Variants in SLC45A4 observed in about 807,000 individuals in gnomAD.
SLC45A4 encodes the protein polyamine-transporter SLC45A4.
SLC45A4 carries 32 observed loss-of-function variants against 63.7 expected under a neutral mutation model. The observed-to-expected ratio is 0.50, with a 90% confidence interval of 0.38 to 0.67. The LOEUF (loss-of-function observed/expected upper bound fraction) is 0.67, where lower values mean the gene tolerates loss of function less well. Ranked by LOEUF, SLC45A4 falls within the 30% of genes least tolerant of loss-of-function variation. SLC45A4 has a pLI of 0.00. For synonymous variants in SLC45A4, 535 were observed against 510.0 expected, an observed-to-expected ratio of 1.05 and a Z score of -0.66; for missense variants, 1,027 against 1,157.7, an observed-to-expected ratio of 0.89 and a Z score of 1.64.
intron 1 of SLC45A4, among the ~76,000 whole-genome samples, chr8:141,294,983 G>C (rs1340005069): frequency 6.6e-6 from 1 of 152,244 alleles, no homozygotes; most frequent in African/African-American, 2.4e-5. Context: ...CGGCAGAGTG[G>C]GGGCAGCAGG....
At chr8:141,251,465 C>A (rs1421957435) in intron 2 of SLC45A4, among the ~76,000 whole-genome samples, 1 of 151,968 alleles carries the variant, frequency 6.6e-6, no homozygotes, top group Non-Finnish European at 1.5e-5. Flanking sequence ...CAGAGCTAAG[C>A]CCCCTGGCCC....
In SLC45A4 at chr8:141,211,166, G is replaced by A. The variant is rs993647604; in HGVS notation, c.*406C>T. On this transcript the variant is annotated 3_prime_UTR_variant, in exon 9 of 9. Coordinates refer to ENST00000517878, the MANE Select transcript of SLC45A4 (RefSeq NM_001286646.2). Reference sequence around the variant, plus strand: ...CGGCGGGACTTGGGAGGCAGGGCCCGCTGGGAGCTCTGCTCTCAGGAATCC... The same window carrying A: ...CGGCGGGACTTGGGAGGCAGGGCCCACTGGGAGCTCTGCTCTCAGGAATCC... 5 of 339,266 alleles carry A rather than the reference G, an allele frequency of 1.5e-5. No homozygotes were observed. The highest frequency in any genetic ancestry group is 1.1e-4 in the South Asian group (1 of 9,154). 21.0% of individuals were successfully genotyped at this position (339,266 alleles called of 1,614,324 possible).
chr8:141,228,348 A>C, intron 2 of SLC45A4: 2 of 1,580,990 alleles, frequency 1.3e-6, no homozygotes, highest in Non-Finnish European at 1.7e-6. Context: ...TTCAACAAGG[A>C]GGGGCGCCTC....
At chr8:141,275,981 C>A (rs893191853) in intron 1 of SLC45A4, among the ~76,000 whole-genome samples, 2 of 151,450 alleles carry the variant, frequency 1.3e-5, no homozygotes, top group Non-Finnish European at 2.9e-5. Flanking sequence ...GGCTCAGTCA[C>A]GGCTCACTGC....
At chr8:141,253,703 C>T (rs905332305) in intron 2 of SLC45A4, among the ~76,000 whole-genome samples, 1 of 152,192 alleles carries the variant, frequency 6.6e-6, no homozygotes, top group Admixed American at 6.5e-5. Flanking sequence ...GAGCCCCGGC[C>T]GAGAGCCAGT....
chr8:141,230,082 C>T (rs142309073), intron 2 of SLC45A4: 40 of 456,260 alleles, frequency 8.8e-5, no homozygotes, highest in African/African-American at 5.2e-4. Context: ...TACTTACTCT[C>T]GGTAAATGAA....
intron 4 of SLC45A4, among the ~76,000 whole-genome samples, 198 bp from the exon 5 acceptor site, chr8:141,219,227 G>GA (rs1284965072): frequency 6.6e-6 from 1 of 152,258 alleles, no homozygotes; most frequent in Non-Finnish European, 1.5e-5. Flanking sequence ...TGACCCGACA[G>GA]AACTGCCCCT....
chr8:141,212,483 T>C lies in SLC45A4; in HGVS notation c.2015A>G (p.Tyr672Cys), dbSNP rs1376835968. ...IDCAILSCQV[Y>C]ISQILVASAL... is the part of the protein sequence containing the mutation. ...AGAGGCCACCAGGATCTGCGAGATG[T>C]ACACTTGGCAGGACAGGATGGCACA... Residue 672 changes from tyrosine to cysteine, a missense_variant, in exon 8 of 9, where the codon TAC becomes TGC. Transcript: ENST00000517878. The C allele has an allele frequency of 1.2e-6, 2 of 1,613,908 alleles. No homozygotes were observed. Among genetic ancestry groups the C allele is most frequent in the Non-Finnish European group, 1.7e-6 (2 of 1,180,016 alleles).
At chr8:141,270,631 G>A (rs944934174) in intron 1 of SLC45A4, among the ~76,000 whole-genome samples, 2 of 152,082 alleles carry the variant, frequency 1.3e-5, no homozygotes, top group African/African-American at 2.4e-5. Context: ...AGATCGCATC[G>A]CTGCACTCTA....
At chr8:141,293,221 G>A (rs1205096237) in intron 1 of SLC45A4, among the ~76,000 whole-genome samples, 1 of 152,216 alleles carries the variant, frequency 6.6e-6, no homozygotes, top group East Asian at 1.9e-4. Flanking sequence ...TTGGGAGGCT[G>A]AGGCAGGTGG....
At chr8:141,260,022 C>T (rs1424312111) in intron 1 of SLC45A4, among the ~76,000 whole-genome samples, 1 of 152,176 alleles carries the variant, frequency 6.6e-6, no homozygotes, top group Non-Finnish European at 1.5e-5. Flanking sequence ...CCCTGAAGTC[C>T]TCATGAAACA....
At chr8:141,307,815 G>A (rs1488455615) in intron 1 of SLC45A4, among the ~76,000 whole-genome samples, 2 of 135,258 alleles carry the variant, frequency 1.5e-5, no homozygotes, top group Non-Finnish European at 3.3e-5. Context: ...GGGGGCCGGG[G>A]TGGGGGGAAT....
chr8:141,217,304 A>G, intron 5 of SLC45A4, 115 bp from the exon 6 acceptor site: 9 of 1,105,136 alleles, frequency 8.1e-6, no homozygotes, highest in Admixed American at 2.3e-5. Context: ...CGGTGACAGG[A>G]AAGTCCCATC....
At chr8:141,265,029 G>A (rs1200899859) in intron 1 of SLC45A4, among the ~76,000 whole-genome samples, 1 of 152,168 alleles carries the variant, frequency 6.6e-6, no homozygotes, top group Non-Finnish European at 1.5e-5. Flanking sequence ...TTTGTTGTCT[G>A]AGCGAGAATG....
At chr8:141,305,692 T>A (rs910314952) in intron 1 of SLC45A4, among the ~76,000 whole-genome samples, 1 of 152,184 alleles carries the variant, frequency 6.6e-6, no homozygotes, top group African/African-American at 2.4e-5. Context: ...AGCCAGCCAC[T>A]GGGCGTCAGG....
At chr8:141,279,097 G>A (rs1282986971) in intron 1 of SLC45A4, among the ~76,000 whole-genome samples, 1 of 152,200 alleles carries the variant, frequency 6.6e-6, no homozygotes, top group Non-Finnish European at 1.5e-5. Context: ...CCCACATTCT[G>A]CGGGACCCAC....
chr8:141,274,931 C>T (rs779100766), intron 1 of SLC45A4, among the ~76,000 whole-genome samples: 11 of 152,224 alleles, frequency 7.2e-5, no homozygotes, highest in Non-Finnish European at 1.3e-4. Context: ...AGGGGCATTC[C>T]GGTTCAGAGG....
At chr8:141,250,457 C>T (rs1437849319) in intron 2 of SLC45A4, among the ~76,000 whole-genome samples, 4 of 149,042 alleles carry the variant, frequency 2.7e-5, no homozygotes, top group Non-Finnish European at 5.9e-5. Flanking sequence ...ATGATCATGG[C>T]TCACTGCAGC....
At position 141,254,737 on chromosome 8, in the gene SLC45A4, C is replaced by T. The variant is rs1202510455; in HGVS notation, c.-400-108G>A. On this transcript the variant is annotated intron_variant, in intron 1 of 8. Coordinates refer to ENST00000517878, the MANE Select transcript of SLC45A4 (RefSeq NM_001286646.2). This position sits in a 1 kb window ranked among gnomAD's most constrained non-coding sequence, Gnocchi z 4.5. Reference sequence around the variant, plus strand: ...CAAGCCGTGTGCCCCGAGGGCCCGACCCAAGATCACACAGCTCTCTGCCAC... The same window carrying T: ...CAAGCCGTGTGCCCCGAGGGCCCGATCCAAGATCACACAGCTCTCTGCCAC... The T allele has an allele frequency of 1.6e-5, 11 of 683,290 alleles. No homozygotes were observed. The highest frequency in any genetic ancestry group is 2.8e-5 in the East Asian group (1 of 36,070). The allele number at this position is 683,290 out of a possible 1,614,324, so 42.3% of individuals were successfully genotyped here. A position where few individuals can be genotyped will look rare whatever the true frequency, so the allele number is the denominator to read the frequency against.
Sources: allele counts gnomAD v4.1 joint callset (sites outside exome capture counted in the v4.1 genomes callset), GRCh38; gene constraint gnomAD v4.1.1; non-coding constraint Gnocchi (gnomAD v3.1); transcripts MANE v1.5; gene names NCBI Gene and HGNC (gene_info 2026-07-23, HGNC 2026-07-21).